Variants in POLDIP3 observed in about 807,000 individuals in gnomAD.
POLDIP3 encodes the protein polymerase delta-interacting protein 3.
POLDIP3 carries 14 observed loss-of-function variants against 45.1 expected under a neutral mutation model. That is an observed-to-expected ratio of 0.31 (90% CI 0.20 to 0.49). The LOEUF (loss-of-function observed/expected upper bound fraction) is 0.49. Among genes scored for constraint, POLDIP3 ranks in the 20% least tolerant of loss-of-function variants. The probability of loss-of-function intolerance (pLI) is 0.99; values close to 1 mark genes in which losing one functional copy is unlikely to be tolerated. For missense variants in POLDIP3, 511 were observed against 538.8 expected, an observed-to-expected ratio of 0.95 and a Z score of 0.51; for synonymous variants, 223 against 205.2, an observed-to-expected ratio of 1.09 and a Z score of -0.74.
intron 1 of POLDIP3, among the ~76,000 whole-genome samples, chr22:42,607,156 T>C (rs1008964069): frequency 6.6e-6 from 1 of 152,172 alleles, no homozygotes; most frequent in Admixed American, 6.5e-5. Context: ...TTCCCTCTGA[T>C]GCCGAGCCGA....
intron 7 of POLDIP3, among the ~76,000 whole-genome samples, chr22:42,588,207 G>A (rs1038047337): frequency 3.9e-5 from 6 of 152,184 alleles, no homozygotes; most frequent in Non-Finnish European, 5.9e-5. Flanking sequence ...TGTAATCCCA[G>A]CACTTTGAGA....
chr22:42,598,394 G>T (rs140053074), intron 4 of POLDIP3, among the ~76,000 whole-genome samples: 1 of 151,928 alleles, frequency 6.6e-6, no homozygotes, highest in East Asian at 2.0e-4. Flanking sequence ...GGGACTACAG[G>T]CGCACACCAC....
intron 1 of POLDIP3, among the ~76,000 whole-genome samples, chr22:42,609,584 G>A (rs1431818459): frequency 1.3e-5 from 2 of 152,072 alleles, no homozygotes; most frequent in Admixed American, 6.5e-5. Context: ...GGCCCATGAA[G>A]TGGGGCCCTG....
At chr22:42,594,305 G>A (rs1009709763) in intron 6 of POLDIP3, among the ~76,000 whole-genome samples, 1 of 151,988 alleles carries the variant, frequency 6.6e-6, no homozygotes, top group Admixed American at 6.6e-5. Flanking sequence ...GAGGTCACGA[G>A]TTCGAGACCA....
At chr22:42,594,375 G>C (rs2032149225) in intron 6 of POLDIP3, among the ~76,000 whole-genome samples, 1 of 152,194 alleles carries the variant, frequency 6.6e-6, no homozygotes, top group Non-Finnish European at 1.5e-5. Flanking sequence ...GCCAGGCGTA[G>C]TGGCAGGCGC....
intron 3 of POLDIP3, among the ~76,000 whole-genome samples, chr22:42,600,895 G>C (rs1036930810): frequency 6.6e-6 from 1 of 152,122 alleles, no homozygotes; most frequent in African/African-American, 2.4e-5. Context: ...ATTGAACCCA[G>C]GAGTTCGAGA....
rs370882124 is a variant in POLDIP3, at chr22:42,595,756, G to A, written c.814-142C>T. On this transcript the variant is annotated intron_variant, in intron 5 of 8. Transcript: ENST00000252115. ...CCACAAATGGGCCCCCTGAACTTCA[G>A]TGTCCACTACACCCCCCATCACTCT... The A allele has an allele frequency of 1.7e-5, 12 of 714,790 alleles. No homozygotes were observed. In the African/African-American group the frequency reaches 2.1e-4, roughly 12 times the overall value. 44.3% of individuals were successfully genotyped at this position (714,790 alleles called of 1,614,324 possible). A position where few individuals can be genotyped will look rare whatever the true frequency, so the allele number is the denominator to read the frequency against.
At chr22:42,608,280 G>T (rs1179581657) in intron 1 of POLDIP3, among the ~76,000 whole-genome samples, 1 of 126,830 alleles carries the variant, frequency 7.9e-6, no homozygotes, top group Admixed American at 9.0e-5. Context: ...AAAATTAGCT[G>T]CAAGTGATGA....
intron 3 of POLDIP3, 89 bp downstream of exon 3, chr22:42,601,881 C>A: frequency 6.9e-7 from 1 of 1,444,038 alleles, no homozygotes; most frequent in South Asian, 1.4e-5. Flanking sequence ...GTCCATCCAC[C>A]CAAGTAGGCC....
At chr22:42,604,567 TCACTGCCTGGACCTCC>T (rs1926602447) in intron 1 of POLDIP3, among the ~76,000 whole-genome samples, 1 of 152,168 alleles carries the variant, frequency 6.6e-6, no homozygotes, top group Non-Finnish European at 1.5e-5. Flanking sequence ...GCCTCCCACT[TCACTGCCTGGACCTCC>T]CAGGAGGCAT....
intron 6 of POLDIP3, 104 bp from the exon 7 acceptor site, chr22:42,592,188 GCGCCCTGCGC>G: frequency 6.6e-7 from 1 of 1,524,576 alleles, no homozygotes. Context: ...GCAGCTAAAT[GCGCCCTGCGC>G]CTGAGACTGC....
At chr22:42,594,253 C>T (rs1925847259) in intron 6 of POLDIP3, among the ~76,000 whole-genome samples, 1 of 152,032 alleles carries the variant, frequency 6.6e-6, no homozygotes, top group Non-Finnish European at 1.5e-5. Context: ...CAGAGCAAGA[C>T]TCCATCTTTA....
chr22:42,598,282 C>T (rs1174043019), intron 4 of POLDIP3, among the ~76,000 whole-genome samples: 1 of 142,684 alleles, frequency 7.0e-6, no homozygotes, highest in African/African-American at 2.7e-5. Context: ...GACAGAGTCT[C>T]GCTCTGTCGC....
chr22:42,584,659 G>A lies in POLDIP3; in HGVS notation c.*1132C>T. 3 of 347,624 alleles carry A rather than the reference G, an allele frequency of 8.6e-6. No individual in the cohort carries two copies. The highest frequency in any genetic ancestry group is 6.5e-5 in the South Asian group (3 of 46,198). The allele number at this position is 347,624 out of a possible 1,614,324, so 21.5% of individuals were successfully genotyped here. A position where few individuals can be genotyped will look rare whatever the true frequency, so the allele number is the denominator to read the frequency against. On this transcript the variant is annotated 3_prime_UTR_variant, in exon 9 of 9. Transcript: ENST00000252115. ...CCCAACTGTCTGCGCCTATGCTGGG[G>A]AAACACCTTGCCTGGTAGAGCTGCC...
At chr22:42,611,112 A>C (rs1927091321) in intron 1 of POLDIP3, among the ~76,000 whole-genome samples, 1 of 152,194 alleles carries the variant, frequency 6.6e-6, no homozygotes, top group Non-Finnish European at 1.5e-5. Flanking sequence ...TTAGTCAAGG[A>C]ATCTTTTAAT....
At chr22:42,594,105 A>C (rs1357367107) in intron 6 of POLDIP3, among the ~76,000 whole-genome samples, 2 of 152,118 alleles carry the variant, frequency 1.3e-5, no homozygotes, top group Non-Finnish European at 2.9e-5. Flanking sequence ...ACTGAAAAAT[A>C]CAAAAATTAG....
Position 42,614,793 on chromosome 22 carries a change from TC to T in POLDIP3, c.59+5del, listed in dbSNP as rs1196903561. The T allele has an allele frequency of 1.9e-6, 3 of 1,613,804 alleles. No individual in the cohort carries two copies. The African/African-American group carries it at 4.0e-5, about 22-fold the overall frequency. On this transcript the variant is annotated splice_donor_5th_base_variant and intron_variant, in intron 1 of 8. Transcript: ENST00000252115. ...CTAAACCCCGAAGAAAGGAAAGGCC[TC>T]TCACCGTCCTTTCGCCGCCGCCCCG... is the stretch of plus-strand genomic sequence containing the variant.
chr22:42,603,217 T>C (rs1926515009), intron 1 of POLDIP3, 57 bp from the exon 2 acceptor site: 1 of 1,565,096 alleles, frequency 6.4e-7, no homozygotes, highest in African/African-American at 1.4e-5. Flanking sequence ...CAGCAGTCTA[T>C]GAAAGCGGAA....
chr22:42,599,716 G>T lies in POLDIP3; in HGVS notation c.615C>A (p.Gly205=), dbSNP rs377499694. 9 of 1,609,648 alleles carry T rather than the reference G, an allele frequency of 5.6e-6. No individual in the cohort carries two copies. The South Asian group carries it at 7.7e-5, about 14-fold the overall frequency. Residue 205 remains glycine (G), a synonymous_variant, in exon 4 of 9, where the codon GGC becomes GGA. Coordinates refer to ENST00000252115, the MANE Select transcript of POLDIP3 (RefSeq NM_032311.5). ...PTKQMKFAAS[G]GFLHHMAGLS... ...GCCATACCATGTGGTGGAGAAAGCC[G>T]CCTGAGGCTGCAAACTTCATCTGTT...
Sources: allele counts gnomAD v4.1 joint callset (sites outside exome capture counted in the v4.1 genomes callset), GRCh38; gene constraint gnomAD v4.1.1; transcripts MANE v1.5; gene names NCBI Gene and HGNC (gene_info 2026-07-23, HGNC 2026-07-21).